L3MBTL3: variants seen among roughly 807,000 people sequenced by gnomAD.
The protein encoded by L3MBTL3 is L3MBTL histone methyl-lysine binding protein 3.
Under a neutral mutation model 102.3 loss-of-function variants are expected in L3MBTL3, and 27 were observed. The observed-to-expected ratio is 0.26, with a 90% CI of 0.19 to 0.36. The LOEUF (loss-of-function observed/expected upper bound fraction) is 0.36. L3MBTL3 is among the 10% of genes least tolerant of loss of function. L3MBTL3 has a pLI of 1.00. For synonymous variants in L3MBTL3, 340 were observed against 320.9 expected (o/e 1.06, Z -0.64); for missense variants, 798 against 955.3 (o/e 0.84, Z 2.17).
At chr6:130,139,002 TAGAAGA>T (rs1266637070) in intron 22 of L3MBTL3, among the ~76,000 whole-genome samples, 1 of 152,144 alleles carries the variant, frequency 6.6e-6, no homozygotes, top group Non-Finnish European at 1.5e-5. Context: ...ACCTGCGTAT[TAGAAGA>T]ACCACCTTAA....
chr6:130,079,500 C>T (rs897848011), intron 14 of L3MBTL3, among the ~76,000 whole-genome samples: 14 of 152,058 alleles, frequency 9.2e-5, no homozygotes, highest in African/African-American at 3.4e-4. Flanking sequence ...TGTATTTGTG[C>T]GTACATCACT....
At chr6:130,046,276 A>G (rs1780720275) in intron 3 of L3MBTL3, among the ~76,000 whole-genome samples, 1 of 152,198 alleles carries the variant, frequency 6.6e-6, no homozygotes, top group African/African-American at 2.4e-5. Flanking sequence ...ACCCAACAGT[A>G]AAATTCACCG....
At chr6:130,061,082 CTTTTTTTTTTT>C (rs146750598) in intron 10 of L3MBTL3, among the ~76,000 whole-genome samples, 5 of 114,164 alleles carry the variant, frequency 4.4e-5, no homozygotes, top group Non-Finnish European at 9.2e-5. Context: ...TCTGTTAGCT[CTTTTTTTTTTT>C]TTTTTTTTTG....
intron 15 of L3MBTL3, 46 bp from the exon 16 acceptor site, chr6:130,086,093 CT>C: frequency 8.0e-7 from 1 of 1,244,676 alleles, no homozygotes; most frequent in Non-Finnish European, 1.2e-6. Flanking sequence ...TCAAGTTTAC[CT>C]TCTCTTCCTC....
intron 2 of L3MBTL3, among the ~76,000 whole-genome samples, chr6:130,035,980 T>TTGTGTG (rs71709041): frequency 5.5e-4 from 82 of 149,320 alleles, no homozygotes; most frequent in African/African-American, 2.0e-3. Flanking sequence ...CCTACCTGTT[T>TTGTGTG]TGTGTGTGTG....
intron 18 of L3MBTL3, among the ~76,000 whole-genome samples, chr6:130,101,425 C>T (rs1290293832): frequency 2.0e-5 from 3 of 152,162 alleles, no homozygotes; most frequent in African/African-American, 7.2e-5. Context: ...GGTCTGACAC[C>T]TCCTACTAGG....
At chr6:130,053,825 T>C (rs999834942) in intron 7 of L3MBTL3, among the ~76,000 whole-genome samples, 5 of 152,208 alleles carry the variant, frequency 3.3e-5, no homozygotes, top group South Asian at 4.1e-4. Context: ...AGATCGGTAT[T>C]GTACAACTGT....
chr6:130,053,158 C>A (rs1781215135), intron 7 of L3MBTL3, among the ~76,000 whole-genome samples, 167 bp downstream of exon 7: 1 of 150,218 alleles, frequency 6.7e-6, no homozygotes, highest in Non-Finnish European at 1.5e-5. Flanking sequence ...CTGTCCTGAT[C>A]TCAAAATGGG....
At chr6:130,038,365 T>C (rs1482492682) in intron 2 of L3MBTL3, among the ~76,000 whole-genome samples, 1 of 151,992 alleles carries the variant, frequency 6.6e-6, no homozygotes, top group Admixed American at 6.6e-5. Context: ...ATAATGGCCA[T>C]ACTACTCTAT....
At chr6:130,035,164 T>G (rs1297942007) in intron 2 of L3MBTL3, among the ~76,000 whole-genome samples, 1 of 152,220 alleles carries the variant, frequency 6.6e-6, no homozygotes, top group African/African-American at 2.4e-5. Context: ...TTAAAAAAAT[T>G]ATTTAAACAT....
intron 19 of L3MBTL3, among the ~76,000 whole-genome samples, chr6:130,118,985 A>G (rs1179971021): frequency 1.3e-5 from 2 of 152,206 alleles, no homozygotes; most frequent in African/African-American, 2.4e-5. Context: ...AACTTTTTTC[A>G]TAGCTCAAGT....
chr6:130,101,567 G>C lies in L3MBTL3; in HGVS notation c.1737-2859G>C, dbSNP rs148720667. Among the ~76,000 whole-genome samples the C allele has an allele frequency of 4.6e-5, 7 of 152,322 alleles. No individual in the cohort carries two copies. The East Asian group carries it at 1.2e-3, about 25-fold the overall frequency. On this transcript the variant is annotated intron_variant, in intron 18 of 22. Transcript: ENST00000361794. ...TGAGGAATGAGGTGAAGGCAGGTCA[G>C]ACCTTGCGATTGCAGCCTCCATGGA... is the stretch of plus-strand genomic sequence containing the variant.
intron 20 of L3MBTL3, among the ~76,000 whole-genome samples, chr6:130,128,070 C>G (rs1786732309): frequency 6.6e-6 from 1 of 152,102 alleles, no homozygotes. Flanking sequence ...TAAATATTCT[C>G]TCTGTGGATG....
chr6:130,033,403 T>A (rs761809086), intron 2 of L3MBTL3, among the ~76,000 whole-genome samples: 33 of 152,188 alleles, frequency 2.2e-4, no homozygotes, highest in Non-Finnish European at 4.1e-4. Flanking sequence ...CATCCTGAGT[T>A]GATGGTGTCA....
In L3MBTL3 at chr6:130,107,607, A is replaced by G. The variant is rs899396213; in HGVS notation, c.1886+3032A>G. On this transcript the variant is annotated intron_variant, in intron 19 of 22. Transcript: ENST00000361794. ...ATTTGTTAAGCATTTTCTAGGTGCTATACTTGGTGTCCCATACATTATACA... is the reference window on the plus strand; with the variant it reads ...ATTTGTTAAGCATTTTCTAGGTGCTGTACTTGGTGTCCCATACATTATACA... 2.0e-5 allele frequency among the ~76,000 whole-genome samples: 3 copies of G among 152,250 alleles called. No homozygotes were observed. In the East Asian group the frequency reaches 5.8e-4, roughly 29 times the overall value.
intron 20 of L3MBTL3, among the ~76,000 whole-genome samples, chr6:130,132,563 G>A (rs1787169875): frequency 6.6e-6 from 1 of 152,168 alleles, no homozygotes; most frequent in African/African-American, 2.4e-5. Flanking sequence ...TGTATGGGAG[G>A]TGCCTTTCTT....
At chr6:130,022,522 C>T (rs986976479) in intron 2 of L3MBTL3, among the ~76,000 whole-genome samples, 2 of 152,018 alleles carry the variant, frequency 1.3e-5, no homozygotes, top group Non-Finnish European at 2.9e-5. Flanking sequence ...CTTTGTATTG[C>T]CTTACTTACT....
chr6:130,108,231 G>GTTTTTTTTTTTTT lies in L3MBTL3; in HGVS notation c.1886+3666_1886+3678dup, dbSNP rs869221525. 1.5e-3 allele frequency among the ~76,000 whole-genome samples: 133 copies of GTTTTTTTTTTTTT among 91,056 alleles called. 1 individual carries two copies. The highest frequency in any genetic ancestry group is 8.9e-3 in the Middle Eastern group (1 of 112). 59.7% of individuals were successfully genotyped at this position (91,056 alleles called of 152,430 possible). A position where few individuals can be genotyped will look rare whatever the true frequency, so the allele number is the denominator to read the frequency against. On this transcript the variant is annotated intron_variant, in intron 19 of 22. Transcript: ENST00000361794. Reference sequence around the variant, plus strand: ...ATAAATGTTAGGTGGTTTTTTTTTTGTTTTTTTTTTTTTTTTTTTTTTAGA... The same window carrying GTTTTTTTTTTTTT: ...ATAAATGTTAGGTGGTTTTTTTTTTGTTTTTTTTTTTTTTTTTTTTTTTTTTTTTTTTTTTAGA...
At chr6:130,030,575 G>C (rs916700681) in intron 2 of L3MBTL3, among the ~76,000 whole-genome samples, 6 of 150,710 alleles carry the variant, frequency 4.0e-5, no homozygotes, top group African/African-American at 1.5e-4. Context: ...GTTGAGGCGG[G>C]AGAATGGCGT....
Sources: gnomAD v4.1 joint callset for allele counts (sites outside exome capture counted in the v4.1 genomes callset) on GRCh38, gnomAD v4.1.1 for gene constraint, MANE v1.5 for transcripts, NCBI Gene and HGNC (gene_info 2026-07-23, HGNC 2026-07-21) for gene names.